Variants in AK8 observed in about 807,000 individuals in gnomAD.
AK8 encodes the protein ATP-AMP transphosphorylase 8.
In AK8, 44 loss-of-function variants were observed where a neutral mutation model predicts 54.6. The ratio of observed to expected loss-of-function variants is 0.81; its 90% CI spans 0.63 to 1.04. The LOEUF (loss-of-function observed/expected upper bound fraction) is 1.04, where lower values mean the gene tolerates loss of function less well. Among genes scored for constraint, AK8 ranks in the 50% least tolerant of loss-of-function variants. AK8 has a pLI of 0.00. For missense variants in AK8, 555 were observed against 613.6 expected, an observed-to-expected ratio of 0.90 and a Z score of 1.01; for synonymous variants, 239 against 245.6, an observed-to-expected ratio of 0.97 and a Z score of 0.25.
chr9:132,739,672 C>T (rs1458590104), intron 11 of AK8, among the ~76,000 whole-genome samples: 1 of 151,894 alleles, frequency 6.6e-6, no homozygotes, highest in African/African-American at 2.4e-5. Flanking sequence ...GGCAGGAGGG[C>T]TTCTTGAGGC....
chr9:132,804,885 A>G (rs1193566508), intron 10 of AK8, among the ~76,000 whole-genome samples: 1 of 151,942 alleles, frequency 6.6e-6, no homozygotes, highest in Non-Finnish European at 1.5e-5. Context: ...CTCACCCCTC[A>G]TGTCCTGCCC....
Position 132,878,221 on chromosome 9 carries a change from G to T in AK8, c.35C>A (p.Pro12His), listed in dbSNP as rs779143686. Residue 12 changes from proline (P) to histidine (H), a missense_variant, in exon 1 of 13, where the codon CCC becomes CAC. Coordinates refer to ENST00000298545, the MANE Select transcript of AK8 (RefSeq NM_152572.3). The surrounding 1 kb of genome is among the most constrained non-coding windows in gnomAD (Gnocchi z 4.7). ...CTCCTCCCCGTACTGGGGCATCTCGGGGGGGATACGGTGCGGGGCGATAGT... is the reference window on the plus strand; with the variant it reads ...CTCCTCCCCGTACTGGGGCATCTCGTGGGGGATACGGTGCGGGGCGATAGT... ...DATIAPHRIP[P>H]EMPQYGEENH... is the part of the protein sequence containing the mutation. The T allele has an allele frequency of 3.1e-5, 45 of 1,458,180 alleles. No homozygotes were observed. In the Middle Eastern group the frequency reaches 5.6e-4, roughly 18 times the overall value. The allele number at this position is 1,458,180 out of a possible 1,614,324, so 90.3% of individuals were successfully genotyped here.
chr9:132,802,052 C>T (rs215176), intron 10 of AK8, among the ~76,000 whole-genome samples: 42,899 of 152,030 alleles, frequency 0.28, 6,208 homozygotes, highest in East Asian at 0.49. Flanking sequence ...CTTTGGGCGA[C>T]TCATTTTACC....
intron 9 of AK8, 91 bp from the exon 10 acceptor site, chr9:132,814,818 G>GAA: frequency 2.5e-5 from 24 of 956,154 alleles, no homozygotes; most frequent in South Asian, 3.7e-5. Flanking sequence ...CCTGCTGAGG[G>GAA]AAAAAAAAAA....
chr9:132,813,400 G>A (rs1316640995), intron 10 of AK8, among the ~76,000 whole-genome samples: 1 of 152,184 alleles, frequency 6.6e-6, no homozygotes, highest in Non-Finnish European at 1.5e-5. Context: ...TCATCAACCT[G>A]CTCCATCTAG....
At chr9:132,773,741 C>T (rs1839079381) in intron 11 of AK8, among the ~76,000 whole-genome samples, 1 of 152,144 alleles carries the variant, frequency 6.6e-6, no homozygotes, top group Non-Finnish European at 1.5e-5. Flanking sequence ...TCTTTCTTAA[C>T]CACTGTCCTA....
intron 11 of AK8, among the ~76,000 whole-genome samples, chr9:132,749,686 G>A (rs1278350683): frequency 1.3e-5 from 2 of 151,254 alleles, no homozygotes; most frequent in South Asian, 2.1e-4. Context: ...AGTCTCTTAA[G>A]TGCTTCATTT....
chr9:132,762,273 T>C (rs113996767), intron 11 of AK8, among the ~76,000 whole-genome samples: 1,895 of 152,318 alleles, frequency 0.012, 45 homozygotes, highest in African/African-American at 0.044. Flanking sequence ...AACTATTCCA[T>C]TGGTTTCTGT....
intron 5 of AK8, among the ~76,000 whole-genome samples, chr9:132,852,106 TA>T (rs1253623692): frequency 6.6e-6 from 1 of 151,972 alleles, no homozygotes; most frequent in South Asian, 2.1e-4. Context: ...AATAGTGGAA[TA>T]AAAAAACAAG....
At chr9:132,792,857 A>C (rs1840005617) in intron 10 of AK8, 82 bp from the exon 11 acceptor site, 2 of 1,468,644 alleles carry the variant, frequency 1.4e-6, no homozygotes, top group African/African-American at 2.8e-5. Context: ...TTGGCCATAG[A>C]TTGAGCTGCT....
intron 5 of AK8, among the ~76,000 whole-genome samples, chr9:132,839,512 G>A (rs1186791064): frequency 6.6e-6 from 1 of 152,182 alleles, no homozygotes; most frequent in Non-Finnish European, 1.5e-5. Flanking sequence ...AGAGGTGCTG[G>A]GGAATAAGAG....
intron 11 of AK8, among the ~76,000 whole-genome samples, chr9:132,730,247 C>A (rs532735883): frequency 3.0e-4 from 45 of 152,236 alleles, no homozygotes; most frequent in African/African-American, 1.1e-3. Flanking sequence ...CAAGAGGCCG[C>A]GCTTTGGTAG....
intron 5 of AK8, among the ~76,000 whole-genome samples, chr9:132,832,063 G>GAAAA (rs11284701): frequency 8.1e-5 from 1 of 12,412 alleles, no homozygotes. Context: ...CCTTGTCTCT[G>GAAAA]AAAAAAAAAA....
intron 8 of AK8, among the ~76,000 whole-genome samples, chr9:132,823,827 C>T (rs955586107): frequency 6.6e-6 from 1 of 152,238 alleles, no homozygotes; most frequent in African/African-American, 2.4e-5. Context: ...CTTTGATAAA[C>T]GCATCCAGCC....
At chr9:132,876,255 GGT>G (rs1348996198) in intron 1 of AK8, among the ~76,000 whole-genome samples, 1 of 152,162 alleles carries the variant, frequency 6.6e-6, no homozygotes, top group African/African-American at 2.4e-5. Context: ...GTATGTCACT[GGT>G]GCGATGATGG....
chr9:132,840,416 A>T (rs1401941403), intron 5 of AK8, among the ~76,000 whole-genome samples: 1 of 150,458 alleles, frequency 6.6e-6, no homozygotes, highest in Non-Finnish European at 1.5e-5. Flanking sequence ...TCACACACAC[A>T]CACACACACA....
At chr9:132,734,955 C>T (rs554899729) in intron 11 of AK8, among the ~76,000 whole-genome samples, 2 of 152,302 alleles carry the variant, frequency 1.3e-5, no homozygotes, top group South Asian at 4.1e-4. Context: ...CGCTTGAACC[C>T]GAGAGGTGGA....
intron 10 of AK8, among the ~76,000 whole-genome samples, chr9:132,801,594 C>T (rs1039320057): frequency 5.3e-5 from 8 of 152,126 alleles, no homozygotes; most frequent in African/African-American, 1.9e-4. Context: ...TCTCCCACAT[C>T]TCAAGGGCAG....
chr9:132,791,678 T>C lies in AK8; in HGVS notation c.1121+956A>G, dbSNP rs1295699559. The stretch of plus-strand genomic sequence containing the variant: ...AGAGAAAGTTCAGAAACAGGCCCAG[T>C]ATATTGAGAGACTAAACACACAGTT... On this transcript the variant is annotated intron_variant, in intron 11 of 12. Coordinates refer to ENST00000298545, the MANE Select transcript of AK8 (RefSeq NM_152572.3). This position sits in a 1 kb window ranked among gnomAD's most constrained non-coding sequence, Gnocchi z 4.0. 2.6e-5 allele frequency among the ~76,000 whole-genome samples: 4 copies of C among 152,048 alleles called. No individual in the cohort carries two copies. Among genetic ancestry groups the C allele is most frequent in the Non-Finnish European group, 5.9e-5 (4 of 68,016 alleles).
Sources: gnomAD v4.1 joint callset for allele counts (sites outside exome capture counted in the v4.1 genomes callset) on GRCh38, gnomAD v4.1.1 for gene constraint, Gnocchi (gnomAD v3.1) non-coding constraint, MANE v1.5 for transcripts, NCBI Gene and HGNC (gene_info 2026-07-23, HGNC 2026-07-21) for gene names.